Variants in L3MBTL3 observed in about 807,000 individuals in gnomAD.
L3MBTL3 encodes the protein L3MBTL histone methyl-lysine binding protein 3.
In L3MBTL3, 27 loss-of-function variants were observed where a neutral mutation model predicts 102.3. The observed-to-expected ratio is 0.26, with a 90% confidence interval of 0.19 to 0.36. L3MBTL3 has a LOEUF of 0.36. Among genes scored for constraint, L3MBTL3 ranks in the 10% least tolerant of loss-of-function variants. The probability of loss-of-function intolerance (pLI) is 1.00; values close to 1 mark genes in which losing one functional copy is unlikely to be tolerated. For synonymous variants in L3MBTL3, 340 were observed against 320.9 expected, an observed-to-expected ratio of 1.06 and a Z score of -0.64; for missense variants, 798 against 955.3, an observed-to-expected ratio of 0.84 and a Z score of 2.17.
chr6:130,102,673 C>T (rs1784766313), intron 18 of L3MBTL3, among the ~76,000 whole-genome samples: 1 of 152,178 alleles, frequency 6.6e-6, no homozygotes, highest in African/African-American at 2.4e-5. Flanking sequence ...ACAAACCAAG[C>T]TTTTCCTGTT....
intron 18 of L3MBTL3, among the ~76,000 whole-genome samples, chr6:130,096,654 G>A (rs992518638): frequency 3.3e-5 from 5 of 152,194 alleles, no homozygotes; most frequent in Non-Finnish European, 5.9e-5. Flanking sequence ...CATCAGGACT[G>A]CCTTTCCCCA....
intron 8 of L3MBTL3, among the ~76,000 whole-genome samples, 160 bp from the exon 9 acceptor site, chr6:130,057,246 G>A (rs1781566883): frequency 6.6e-6 from 1 of 152,092 alleles, no homozygotes; most frequent in Non-Finnish European, 1.5e-5. Context: ...TTTTATCTTG[G>A]TTCTTGGGAA....
intron 16 of L3MBTL3, among the ~76,000 whole-genome samples, chr6:130,088,979 GTCT>G (rs922803059): frequency 6.6e-6 from 1 of 151,844 alleles, no homozygotes; most frequent in Non-Finnish European, 1.5e-5. Context: ...TAGTTTTTTT[GTCT>G]TCTTAGATTT....
In L3MBTL3 at chr6:130,062,334, T is replaced by G. The variant is rs568242828; in HGVS notation, c.864+2194T>G. Among the ~76,000 whole-genome samples the G allele has an allele frequency of 1.6e-4, 25 of 152,068 alleles. No individual in the cohort carries two copies. The South Asian group carries it at 4.4e-3, about 27-fold the overall frequency. ...GATGTTTTCTCTGTGTATAAAAATA[T>G]GTACTGCATTTTGTTTTTGACACAC... On this transcript the variant is annotated intron_variant, in intron 10 of 22. Transcript: ENST00000361794.
rs1036611505 is a variant in L3MBTL3 at position 130,053,634 on chromosome 6, C to CAAA, written c.582+653_582+655dup. Among the ~76,000 whole-genome samples, 7 of 59,274 alleles carry CAAA rather than the reference C, an allele frequency of 1.2e-4. No individual in the cohort carries two copies. The East Asian group carries it at 2.3e-3, about 19-fold the overall frequency. 38.9% of individuals were successfully genotyped at this position (59,274 alleles called of 152,430 possible). A position where few individuals can be genotyped will look rare whatever the true frequency, so the allele number is the denominator to read the frequency against. ...TGGGCGACAGAGCGAGACTGTGTCT[C>CAAA]AAAAAAAAAAAACAAAAAAAACTAT... On this transcript the variant is annotated intron_variant, in intron 7 of 22. Transcript: ENST00000361794.
At chr6:130,065,935 C>G (rs895805677) in intron 10 of L3MBTL3, among the ~76,000 whole-genome samples, 3 of 152,072 alleles carry the variant, frequency 2.0e-5, no homozygotes, top group Admixed American at 2.0e-4. Context: ...GCATATGCAC[C>G]AGCTGTGGTC....
In L3MBTL3 at chr6:130,140,102, G is replaced by A. The variant is rs1343386383; in HGVS notation, c.*349G>A. On this transcript the variant is annotated 3_prime_UTR_variant, in exon 23 of 23. Coordinates refer to ENST00000361794, the MANE Select transcript of L3MBTL3 (RefSeq NM_032438.4). ...CTTTTGGCATTTTGTAAACATTGTT[G>A]AATTCTCTTTCATGTACACTGTTTC... 1 of 187,720 alleles carries A rather than the reference G, an allele frequency of 5.3e-6. No individual in the cohort carries two copies. The highest frequency in any genetic ancestry group is 1.1e-5 in the Non-Finnish European group (1 of 90,858). The allele number at this position is 187,720 out of a possible 1,614,324, so 11.6% of individuals were successfully genotyped here. A position where few individuals can be genotyped will look rare whatever the true frequency, so the allele number is the denominator to read the frequency against.
At chr6:130,060,648 A>G (rs781325726) in intron 10 of L3MBTL3, among the ~76,000 whole-genome samples, 1 of 152,056 alleles carries the variant, frequency 6.6e-6, no homozygotes, top group Non-Finnish European at 1.5e-5. Flanking sequence ...GTCTGATTCT[A>G]TAGGCTTTGC....
intron 5 of L3MBTL3, among the ~76,000 whole-genome samples, chr6:130,051,020 G>A (rs1781060267): frequency 6.6e-6 from 1 of 152,028 alleles, no homozygotes; most frequent in African/African-American, 2.4e-5. Flanking sequence ...AAAAGCCTTG[G>A]GCAAGCTTTT....
chr6:130,034,753 TGGACA>T (rs1337460880), intron 2 of L3MBTL3, among the ~76,000 whole-genome samples: 1 of 152,252 alleles, frequency 6.6e-6, no homozygotes, highest in Non-Finnish European at 1.5e-5. Flanking sequence ...TCGGCCAGGC[TGGACA>T]ACTTGCCCTT....
chr6:130,092,415 T>A (rs1045610332), intron 16 of L3MBTL3, among the ~76,000 whole-genome samples: 1 of 152,226 alleles, frequency 6.6e-6, no homozygotes, highest in Admixed American at 6.5e-5. Flanking sequence ...TATTGGGTGC[T>A]TGATGTTGAT....
At position 130,049,057 on chromosome 6, in the gene L3MBTL3, C is replaced by T. The variant is rs6940171; in HGVS notation, c.103-225C>T. Reference sequence around the variant, plus strand: ...AGGGCAGAGCAGGGTCATTGGTATCCTTCAACAGACCTTGCTGCTTTGTTC... The same window carrying T: ...AGGGCAGAGCAGGGTCATTGGTATCTTTCAACAGACCTTGCTGCTTTGTTC... On this transcript the variant is annotated intron_variant, in intron 3 of 22. Transcript: ENST00000361794. 4.2e-3 allele frequency among the ~76,000 whole-genome samples: 635 copies of T among 152,102 alleles called. 6 individuals are homozygous for T. The highest frequency in any genetic ancestry group is 0.015 in the African/African-American group (616 of 41,464).
At chr6:130,106,046 A>G (rs987037874) in intron 19 of L3MBTL3, among the ~76,000 whole-genome samples, 1 of 152,222 alleles carries the variant, frequency 6.6e-6, no homozygotes, top group Non-Finnish European at 1.5e-5. Flanking sequence ...TTTGTGATCA[A>G]GGAAACAATC....
chr6:130,071,173 C>T (rs368494439), intron 13 of L3MBTL3, 46 bp downstream of exon 13: 38 of 1,540,074 alleles, frequency 2.5e-5, no homozygotes, highest in Non-Finnish European at 3.3e-5. Context: ...AATATTTATC[C>T]AAGTAAATGG....
chr6:130,054,063 T>C (rs1210290909), intron 7 of L3MBTL3, among the ~76,000 whole-genome samples: 2 of 152,216 alleles, frequency 1.3e-5, no homozygotes, highest in Non-Finnish European at 2.9e-5. Flanking sequence ...GGGAGCCCTC[T>C]CAAAGACGAT....
At chr6:130,036,364 C>T (rs931737745) in intron 2 of L3MBTL3, among the ~76,000 whole-genome samples, 3 of 152,104 alleles carry the variant, frequency 2.0e-5, no homozygotes, top group Non-Finnish European at 2.9e-5. Flanking sequence ...GGAGAGACAA[C>T]ATAGTAAATA....
At chr6:130,073,982 G>A (rs1782791526) in intron 13 of L3MBTL3, among the ~76,000 whole-genome samples, 2 of 152,104 alleles carry the variant, frequency 1.3e-5, no homozygotes, top group Non-Finnish European at 2.9e-5. Flanking sequence ...AGATGCAATG[G>A]AAATTGTTTA....
Position 130,083,704 on chromosome 6 carries a change from T to C in L3MBTL3, c.1406T>C (p.Val469Ala), listed in dbSNP as rs1466226812. 2 of 1,483,012 alleles carry C rather than the reference T, an allele frequency of 1.3e-6. No individual in the cohort carries two copies. Among genetic ancestry groups the C allele is most frequent in the Non-Finnish European group, 9.2e-7 (1 of 1,082,022 alleles). 91.9% of individuals were successfully genotyped at this position (1,483,012 alleles called of 1,614,324 possible). The change falls in exon 15 of 23, where the codon GTG (valine) becomes GCG (alanine). Residue 469 changes from valine (V) to alanine (A), a missense_variant and splice_region_variant. This residue lies in a region of L3MBTL3 where 306 missense variants were observed against 314.4 expected (regional missense o/e 0.97). Transcript: ENST00000361794. ...SLPAPARAFK[V>A]KPPHGFQKKM... ...CCTGCTCCTGCAAGAGCTTTCAAAG[T>C]GGTAAGATGATACATTTTATTAATT...
At chr6:130,032,542 A>G (rs1384360666) in intron 2 of L3MBTL3, among the ~76,000 whole-genome samples, 1 of 152,246 alleles carries the variant, frequency 6.6e-6, no homozygotes, top group Non-Finnish European at 1.5e-5. Flanking sequence ...AGATAATTAT[A>G]ACAAGAAGCT....
Sources: allele counts gnomAD v4.1 joint callset (sites outside exome capture counted in the v4.1 genomes callset), GRCh38; gene constraint gnomAD v4.1.1; regional missense constraint gnomAD v4.1.1; transcripts MANE v1.5; gene names NCBI Gene and HGNC (gene_info 2026-07-23, HGNC 2026-07-21).